Variants in TEFM observed in about 807,000 individuals in gnomAD.
The protein encoded by TEFM is transcription elongation factor, mitochondrial.
Under a neutral mutation model 23.0 loss-of-function variants are expected in TEFM, and 14 were observed. The observed-to-expected ratio is 0.61, with a 90% confidence interval of 0.40 to 0.95. TEFM has a LOEUF of 0.95. Among genes scored for constraint, TEFM ranks in the 40% least tolerant of loss-of-function variants. The probability of loss-of-function intolerance (pLI) is 0.00; values close to 1 mark genes in which losing one functional copy is unlikely to be tolerated. For synonymous variants in TEFM, 155 were observed against 158.3 expected, an observed-to-expected ratio of 0.98 and a Z score of 0.16; for missense variants, 386 against 425.5, an observed-to-expected ratio of 0.91 and a Z score of 0.82.
chr17:30,899,369 T>A lies in TEFM; in HGVS notation c.883A>T (p.Ser295Cys). The change falls in exon 4 of 4, where the codon AGT becomes TGT. Residue 295 changes from serine to cysteine, a missense_variant. By Grantham distance (112) the Ser-to-Cys change is moderately radical (BLOSUM62 -1). Transcript: ENST00000581216. ...FELMIGDSRT[S>C]GKELVKQFLF... ...AACTGCTTCACTAGCTCTTTTCCAC[T>A]AGTCCGGGAGTCACCAATCATCAGT... The A allele has an allele frequency of 6.2e-7, 1 of 1,614,228 alleles. No individual in the cohort carries two copies. Among genetic ancestry groups the A allele is most frequent in the Non-Finnish European group, 8.5e-7 (1 of 1,180,036 alleles).
In TEFM at chr17:30,899,388, C is replaced by T. The variant is rs776171794; in HGVS notation, c.864G>A (p.Met288Ile). Reference sequence around the variant, plus strand: ...TTCCACTAGTCCGGGAGTCACCAATCATCAGTTCAAAATGCTTCCCCACTG... The same window carrying T: ...TTCCACTAGTCCGGGAGTCACCAATTATCAGTTCAAAATGCTTCCCCACTG... ...RNAVGKHFEL[M>I]IGDSRTSGKE... Residue 288 changes from methionine (M) to isoleucine (I), a missense_variant, in exon 4 of 4, where the codon ATG becomes ATA. By Grantham distance (10) the Met-to-Ile change is conservative. Transcript: ENST00000581216. The T allele has an allele frequency of 1.3e-5, 21 of 1,614,042 alleles. No homozygotes were observed. The highest frequency in any genetic ancestry group is 1.7e-5 in the Non-Finnish European group (20 of 1,179,990).
chr17:30,905,107 C>T (rs901766872), intron 1 of TEFM, among the ~76,000 whole-genome samples: 7 of 152,142 alleles, frequency 4.6e-5, no homozygotes, highest in Non-Finnish European at 1.0e-4. Flanking sequence ...GTTTTACTAC[C>T]TAGAAAATTG....
chr17:30,900,612 CTTTT>C (rs1482176269), intron 2 of TEFM, 50 bp from the exon 3 acceptor site: 19 of 1,554,582 alleles, frequency 1.2e-5, no homozygotes, highest in Non-Finnish European at 1.7e-5. Context: ...TTAGTTTTTT[CTTTT>C]TTTGAGACGG....
chr17:30,906,212 C>G lies in TEFM; in HGVS notation c.-14G>C. Reference sequence around the variant, plus strand: ...AGACCCGCTCATCTCCAAGTTGAATCAGTAGGTCCAGTCTTCCTCCATTGA... The same window carrying G: ...AGACCCGCTCATCTCCAAGTTGAATGAGTAGGTCCAGTCTTCCTCCATTGA... On this transcript the variant is annotated 5_prime_UTR_variant, in exon 1 of 4. It removes the in-frame stop codon of an upstream open reading frame in the 5' UTR. Transcript: ENST00000581216. 1 of 1,614,272 alleles carries G rather than the reference C, an allele frequency of 6.2e-7. No individual in the cohort carries two copies. Among genetic ancestry groups the G allele is most frequent in the Non-Finnish European group, 8.5e-7 (1 of 1,180,056 alleles).
intron 1 of TEFM, among the ~76,000 whole-genome samples, chr17:30,905,549 C>A (rs1301525234): frequency 6.6e-6 from 1 of 151,094 alleles, no homozygotes; most frequent in Middle Eastern, 3.2e-3. Context: ...GTTTTGTCTT[C>A]ACTTCCATTT....
rs778793102 is a variant in TEFM at position 30,899,491 on chromosome 17, T to C, written c.761A>G (p.Glu254Gly). 6 of 1,614,130 alleles carry C rather than the reference T, an allele frequency of 3.7e-6. No individual in the cohort carries two copies. Among genetic ancestry groups the C allele is most frequent in the Non-Finnish European group, 5.1e-6 (6 of 1,179,968 alleles). The change falls in exon 4 of 4, where the codon GAA becomes GGA. Residue 254 changes from glutamate (E) to glycine (G), a missense_variant. Glu to Gly is a moderately conservative substitution (Grantham distance 98). Transcript: ENST00000581216. ...FPILLHFHIM[E>G]AMLYALLNKT... ...ATTTAATAAGGCATACAGCATGGCTTCCATGATATGAAAATGTAACAGTAT... is the reference window on the plus strand; with the variant it reads ...ATTTAATAAGGCATACAGCATGGCTCCCATGATATGAAAATGTAACAGTAT...
intron 2 of TEFM, among the ~76,000 whole-genome samples, chr17:30,900,999 G>C (rs945694005): frequency 6.6e-6 from 1 of 151,820 alleles, no homozygotes; most frequent in African/African-American, 2.4e-5. Flanking sequence ...TTTATGAACT[G>C]AGAATTATTA....
At chr17:30,900,369 A>G in intron 3 of TEFM, 44 bp downstream of exon 3, 1 of 1,594,378 alleles carries the variant, frequency 6.3e-7, no homozygotes, top group Non-Finnish European at 8.6e-7. Context: ...TAAACTACAC[A>G]AGGAGCTCTA....
intron 2 of TEFM, among the ~76,000 whole-genome samples, chr17:30,903,229 GTTT>G (rs567911720): frequency 7.9e-6 from 1 of 126,580 alleles, no homozygotes; most frequent in Admixed American, 8.7e-5. Context: ...TTAGAATGGT[GTTT>G]TTTTTTTTTT....
chr17:30,900,444 C>T lies in TEFM; in HGVS notation c.614G>A (p.Gly205Glu). The T allele has an allele frequency of 6.2e-7, 1 of 1,614,124 alleles. No individual in the cohort carries two copies. Among genetic ancestry groups the T allele is most frequent in the East Asian group, 2.2e-5 (1 of 44,876 alleles). The part of the protein sequence containing the change: ...QQSDRWSLMR[G>E]IYSSSVYLEE... ...TAAATAGACTGATGATGAGTATATTCCTCTCATTAAACTCCAACGGTCACT... is the reference window on the plus strand; with the variant it reads ...TAAATAGACTGATGATGAGTATATTTCTCTCATTAAACTCCAACGGTCACT... The change falls in exon 3 of 4, where the codon GGA becomes GAA. Residue 205 changes from glycine to glutamate, a missense_variant. Transcript: ENST00000581216.
chr17:30,899,406 C>T lies in TEFM; in HGVS notation c.846G>A (p.Gly282=). ...QVLSMNRNAV[G]KHFELMIGDS... The stretch of plus-strand genomic sequence containing the variant: ...CACCAATCATCAGTTCAAAATGCTT[C>T]CCCACTGCATTTCGATTCATGCTCA... The change falls in exon 4 of 4, where the codon GGG becomes GGA. Residue 282 remains glycine (G), a synonymous_variant. Transcript: ENST00000581216. 1 of 1,614,166 alleles carries T rather than the reference C, an allele frequency of 6.2e-7. No homozygotes were observed. The highest frequency in any genetic ancestry group is 8.5e-7 in the Non-Finnish European group (1 of 1,179,982).
At position 30,904,366 on chromosome 17, in the gene TEFM, G is replaced by A. The variant is rs1910120114; in HGVS notation, c.195C>T (p.Phe65=). 1.9e-6 allele frequency: 3 copies of A among 1,614,212 alleles called. No individual in the cohort carries two copies. Among genetic ancestry groups the A allele is most frequent in the Non-Finnish European group, 2.5e-6 (3 of 1,180,040 alleles). ...AGATGGAAGCCTGCTGTTCTGAAGA[G>A]AAGAGCTTGTCAAGTGCATTTTCGG... ...KEPENALDKL[F]SSEQQASILH... The change falls in exon 2 of 4, where the codon TTC becomes TTT. Residue 65 remains phenylalanine (F), a synonymous_variant. Transcript: ENST00000581216.
chr17:30,905,169 T>C (rs1910140145), intron 1 of TEFM, among the ~76,000 whole-genome samples: 2 of 152,144 alleles, frequency 1.3e-5, no homozygotes. Flanking sequence ...TCCAACTGCT[T>C]AAAGTTTCTG....
At position 30,904,258 on chromosome 17, in the gene TEFM, C is replaced by T. The variant is rs894536396; in HGVS notation, c.303G>A (p.Glu101=). Residue 101 remains glutamate, a synonymous_variant, in exon 2 of 4, where the codon GAG becomes GAA. Coordinates refer to ENST00000581216, the MANE Select transcript of TEFM (RefSeq NM_024683.4). ...LRGRRSINIV[E]HRENFGPFQN... is the part of the protein sequence containing the mutation. ...GAAATGGCCCAAAGTTTTCTCTGTG[C>T]TCTACGATATTGATGGACCTTCTTC... 1.9e-6 allele frequency: 3 copies of T among 1,614,200 alleles called. No individual in the cohort carries two copies. The highest frequency in any genetic ancestry group is 1.3e-5 in the African/African-American group (1 of 75,046).
At chr17:30,905,520 CAAA>C (rs35702969) in intron 1 of TEFM, among the ~76,000 whole-genome samples, 8 of 86,534 alleles carry the variant, frequency 9.2e-5, no homozygotes, top group Non-Finnish European at 4.9e-5. Flanking sequence ...AACTCCGTCT[CAAA>C]AAAAAAAAAA....
rs1218340703 is a variant in TEFM, at chr17:30,899,975, C to T, written c.646-369G>A. 6 of 258,750 alleles carry T rather than the reference C, an allele frequency of 2.3e-5. No homozygotes were observed. The East Asian group carries it at 3.6e-4, about 16-fold the overall frequency. 16.0% of individuals were successfully genotyped at this position (258,750 alleles called of 1,614,324 possible). On this transcript the variant is annotated intron_variant, in intron 3 of 3. Transcript: ENST00000581216. ...AGAATAACTAGCAAGAATCAATCAC[C>T]TCTGCAACTGACTAATCACATCAGA...
intron 2 of TEFM, among the ~76,000 whole-genome samples, chr17:30,902,212 C>G (rs1345344104): frequency 6.6e-6 from 1 of 152,174 alleles, no homozygotes; most frequent in Non-Finnish European, 1.5e-5. Context: ...TCTATAGATA[C>G]AGAGGCAAAT....
chr17:30,901,963 G>A (rs987022971), intron 2 of TEFM, among the ~76,000 whole-genome samples: 10 of 152,220 alleles, frequency 6.6e-5, no homozygotes, highest in African/African-American at 2.2e-4. Flanking sequence ...CATCATTAAT[G>A]ATGACGAAGA....
At chr17:30,903,682 C>A (rs543311880) in intron 2 of TEFM, among the ~76,000 whole-genome samples, 1 of 152,238 alleles carries the variant, frequency 6.6e-6, no homozygotes, top group Admixed American at 6.5e-5. Context: ...TCCTTAATTT[C>A]TCATTAATCC....
Sources: gnomAD v4.1 joint callset for allele counts (sites outside exome capture counted in the v4.1 genomes callset) on GRCh38, gnomAD v4.1.1 for gene constraint, MANE v1.5 for transcripts, NCBI Gene and HGNC (gene_info 2026-07-23, HGNC 2026-07-21) for gene names.